PTPRS: variants seen among roughly 807,000 people sequenced by gnomAD.
PTPRS encodes protein tyrosine phosphatase receptor type S.
PTPRS carries 63 observed loss-of-function variants against 215.3 expected under a neutral mutation model. That is an observed-to-expected ratio of 0.29 (90% CI 0.24 to 0.36). PTPRS has a LOEUF of 0.36. Ranked by LOEUF, PTPRS falls within the 10% of genes least tolerant of loss-of-function variation. The pLI, the probability that PTPRS is intolerant of heterozygous loss-of-function variation, is 1.00. For synonymous variants in PTPRS, 1,404 were observed against 1,191.4 expected (o/e 1.18, Z -3.68); for missense variants, 2,258 against 2,825.8 (o/e 0.80, Z 4.56).
intron 5 of PTPRS, among the ~76,000 whole-genome samples, chr19:5,264,785 C>A (rs954868135): frequency 1.3e-5 from 2 of 152,166 alleles, no homozygotes; most frequent in Admixed American, 1.3e-4. Context: ...TCTTCTACCA[C>A]CCTCTATAGC....
rs1183622841 is a variant in PTPRS at position 5,340,800 on chromosome 19, G to T, written c.-231C>A. 3 of 149,098 alleles carry T rather than the reference G, an allele frequency of 2.0e-5. No homozygotes were observed. The highest frequency in any genetic ancestry group is 7.3e-5 in the African/African-American group (3 of 41,020). The allele number at this position is 149,098 out of a possible 1,614,324, so 9.2% of individuals were successfully genotyped here. On this transcript the variant is annotated 5_prime_UTR_variant, in exon 1 of 38. Coordinates refer to ENST00000262963, the MANE Select transcript of PTPRS (RefSeq NM_002850.4). ...GGCCGGGCTGCCGGGCGGGCGGCGC[G>T]AGGACACTCACTGCGGCTCGCGCTC...
intron 1 of PTPRS, among the ~76,000 whole-genome samples, chr19:5,312,102 C>A (rs975987248): frequency 6.6e-6 from 1 of 151,512 alleles, no homozygotes; most frequent in Non-Finnish European, 1.5e-5. Context: ...GTGCGTGAGG[C>A]CTGTGTGTGA....
chr19:5,222,683 G>A lies in PTPRS; in HGVS notation c.3103+6C>T, dbSNP rs764944905. The A allele has an allele frequency of 3.4e-5, 54 of 1,571,912 alleles. No individual in the cohort carries two copies. The highest frequency in any genetic ancestry group is 3.2e-4 in the East Asian group (14 of 43,648). On this transcript the variant is annotated splice_donor_region_variant and intron_variant, in intron 18 of 37. Coordinates refer to ENST00000262963, the MANE Select transcript of PTPRS (RefSeq NM_002850.4). ...GGCTCTGGTGCAGGGGTCGCCGCGC[G>A]CCTACCTTGGTCCCGCAGGAACGTC...
intron 30 of PTPRS, among the ~76,000 whole-genome samples, chr19:5,213,900 A>G (rs2041166449): frequency 6.6e-6 from 1 of 152,150 alleles, no homozygotes; most frequent in South Asian, 2.1e-4. Flanking sequence ...CACTATGGAC[A>G]GCAGCCATCA....
In PTPRS at chr19:5,308,110, T is replaced by C. The variant is rs140047438; in HGVS notation, c.-94-21876A>G. Among the ~76,000 whole-genome samples the C allele has an allele frequency of 3.3e-5, 5 of 152,262 alleles. No homozygotes were observed. In the East Asian group the frequency reaches 9.6e-4, roughly 29 times the overall value. On this transcript the variant is annotated intron_variant, in intron 1 of 37. Transcript: ENST00000262963. ...ATTTTTCTCTGCATCCTCAATTGTATCCCATGTGTACGCATTCTCTGGCCA... is the reference window on the plus strand; with the variant it reads ...ATTTTTCTCTGCATCCTCAATTGTACCCCATGTGTACGCATTCTCTGGCCA...
intron 8 of PTPRS, 28 bp from the exon 9 acceptor site, chr19:5,256,147 A>G (rs2146213716): frequency 6.6e-7 from 1 of 1,513,514 alleles, no homozygotes; most frequent in Non-Finnish European, 9.1e-7. Context: ...GGTTTGATGC[A>G]GAACACAATG....
chr19:5,212,920 G>T (rs181442242), intron 30 of PTPRS, among the ~76,000 whole-genome samples: 3,644 of 151,278 alleles, frequency 0.024, 167 homozygotes, highest in African/African-American at 0.085. Context: ...GCTGGCCCTG[G>T]ACGGTTTCCA....
At chr19:5,249,719 T>C (rs2044825352) in intron 9 of PTPRS, among the ~76,000 whole-genome samples, 1 of 152,196 alleles carries the variant, frequency 6.6e-6, no homozygotes, top group Non-Finnish European at 1.5e-5. Context: ...TTGCCACTGG[T>C]TGAATAATAT....
In PTPRS at chr19:5,292,549, C is replaced by A. The variant is rs932694393; in HGVS notation, c.-94-6315G>T. ...CTGCCCTGACCGTCTCAGAAGACAA[C>A]ACCACAGGCCCCTCCCTGAGGCCAA... On this transcript the variant is annotated intron_variant, in intron 1 of 37. Coordinates refer to ENST00000262963, the MANE Select transcript of PTPRS (RefSeq NM_002850.4). 8.5e-5 allele frequency among the ~76,000 whole-genome samples: 13 copies of A among 152,236 alleles called. 1 individual carries two copies. Among genetic ancestry groups the A allele is most frequent in the African/African-American group, 3.1e-4 (13 of 41,460 alleles).
rs371040962 is a variant in PTPRS, at chr19:5,291,539, C to T, written c.-94-5305G>A. On this transcript the variant is annotated intron_variant, in intron 1 of 37. Coordinates refer to ENST00000262963, the MANE Select transcript of PTPRS (RefSeq NM_002850.4). ...ACACACCCACGGGGGCTCCCAGCTC[C>T]TGTGCTCGCTGCTCTGGGCCCTTCT... Among the ~76,000 whole-genome samples the T allele has an allele frequency of 1.5e-3, 225 of 152,238 alleles. 3 individuals carry two copies. The highest frequency in any genetic ancestry group is 5.1e-3 in the African/African-American group (211 of 41,532).
At chr19:5,214,262 CTG>C (rs2041207389) in intron 30 of PTPRS, 97 bp downstream of exon 30, 3 of 1,532,114 alleles carry the variant, frequency 2.0e-6, no homozygotes, top group Non-Finnish European at 2.7e-6. Context: ...CGCTTTCTCT[CTG>C]TCCCATGGGG....
At chr19:5,306,826 G>C (rs2049511313) in intron 1 of PTPRS, among the ~76,000 whole-genome samples, 1 of 152,142 alleles carries the variant, frequency 6.6e-6, no homozygotes, top group African/African-American at 2.4e-5. Flanking sequence ...AATAGTCCCC[G>C]AGGAGACAAT....
Position 5,210,394 on chromosome 19 carries a change from C to T in PTPRS, c.5487+75G>A. On this transcript the variant is annotated intron_variant, in intron 35 of 37. Transcript: ENST00000262963. The surrounding 1 kb of genome is among the most constrained non-coding windows in gnomAD (Gnocchi z 4.5). ...TATGCCTAACCCTTGGCCTTTGTAT[C>T]CATCACCAACCAGGGCAGCCCTTTC... 6.3e-7 allele frequency: 1 copy of T among 1,597,998 alleles called. No individual in the cohort carries two copies. Among genetic ancestry groups the T allele is most frequent in the Non-Finnish European group, 8.6e-7 (1 of 1,169,400 alleles).
In PTPRS at chr19:5,244,304, G is replaced by A. The variant is rs1288395296; in HGVS notation, c.1167C>T (p.Ile389=). 8.7e-6 allele frequency: 14 copies of A among 1,614,148 alleles called. No individual in the cohort carries two copies. Among genetic ancestry groups the A allele is most frequent in the Non-Finnish European group, 1.2e-5 (14 of 1,180,054 alleles). The change falls in exon 11 of 38, where the codon ATC becomes ATT. Residue 389 remains isoleucine, a synonymous_variant. Coordinates refer to ENST00000262963, the MANE Select transcript of PTPRS (RefSeq NM_002850.4). This position sits in a 1 kb window ranked among gnomAD's most constrained non-coding sequence, Gnocchi z 7.2. ...ACTCCGAGTTGGGGCTCAGGCCGCC[G>A]ATGCTGTAACGTGTGGTGGTGATGT... ...KEDITTTRYS[I]GGLSPNSEYE...
chr19:5,266,175 C>A (rs2046382094), intron 4 of PTPRS, among the ~76,000 whole-genome samples: 1 of 152,082 alleles, frequency 6.6e-6, no homozygotes, highest in African/African-American at 2.4e-5. Context: ...AGAAAAATCA[C>A]TTGAACCCGG....
intron 9 of PTPRS, among the ~76,000 whole-genome samples, chr19:5,249,265 C>T (rs774814162): frequency 1.2e-4 from 18 of 152,178 alleles, no homozygotes; most frequent in Admixed American, 2.0e-4. Flanking sequence ...GAACTGAGAT[C>T]GTGCCACCGC....
intron 5 of PTPRS, among the ~76,000 whole-genome samples, chr19:5,263,504 G>A (rs1021625175): frequency 1.3e-5 from 2 of 152,172 alleles, no homozygotes; most frequent in Non-Finnish European, 2.9e-5. Flanking sequence ...AGGGGGCTCC[G>A]TGGCGGGATC....
chr19:5,212,353 T>C lies in PTPRS; in HGVS notation c.4753A>G (p.Ile1585Val), dbSNP rs915320010. Residue 1585 changes from isoleucine (I) to valine (V), a missense_variant, in exon 31 of 38, where the codon ATC becomes GTC. Physicochemically the swap from Ile to Val is conservative, Grantham distance 29 (BLOSUM62 3). Around this residue, in one of 6 missense-constraint regions of PTPRS, gnomAD observed 927 missense variants for 1,125.9 expected, o/e 0.82. Transcript: ENST00000262963. The part of the protein sequence containing the change: ...KTCNPPDAGP[I>V]VVHCSAGVGR... The stretch of plus-strand genomic sequence containing the variant: ...TGGACGTACCTGCAGTGAACCACGA[T>C]GGGGCCGGCATCTGGCGGGTTGCAG... The C allele has an allele frequency of 6.2e-7, 1 of 1,612,656 alleles. No homozygotes were observed. Among genetic ancestry groups the C allele is most frequent in the African/African-American group, 1.3e-5 (1 of 75,024 alleles).
rs147314718 is a variant in PTPRS at position 5,244,097 on chromosome 19, G to A, written c.1374C>T (p.Arg458=). The A allele has an allele frequency of 1.7e-5, 27 of 1,609,320 alleles. No individual in the cohort carries two copies. The highest frequency in any genetic ancestry group is 4.4e-5 in the South Asian group (4 of 90,892). The change falls in exon 11 of 38, where the codon CGC becomes CGT. Residue 458 remains arginine (R), a synonymous_variant. Transcript: ENST00000262963. This position sits in a 1 kb window ranked among gnomAD's most constrained non-coding sequence, Gnocchi z 7.2. ...EEPVEPNGLI[R]GYRVYYTMEP... ...CCATGGTGTAGTAGACGCGGTAGCC[G>A]CGGATCAGGCCGTTGGGCTCCACCG...
Sources: gnomAD v4.1 joint callset for allele counts (sites outside exome capture counted in the v4.1 genomes callset) on GRCh38, gnomAD v4.1.1 for gene constraint, gnomAD v4.1.1 regional missense constraint, Gnocchi (gnomAD v3.1) non-coding constraint, MANE v1.5 for transcripts, NCBI Gene and HGNC (gene_info 2026-07-23, HGNC 2026-07-21) for gene names.